GNA14: variants seen among roughly 807,000 people sequenced by gnomAD.
GNA14 encodes the protein G protein subunit alpha 14.
GNA14 carries 50 observed loss-of-function variants against 42.0 expected under a neutral mutation model. That is an observed-to-expected ratio of 1.19 (90% CI 0.95 to 1.51). GNA14 has a LOEUF of 1.51. Among genes scored for constraint, GNA14 ranks in the 40% most tolerant of loss-of-function variants. The pLI, the probability that GNA14 is intolerant of heterozygous loss-of-function variation, is 0.00. For missense variants in GNA14, 473 were observed against 446.2 expected, an observed-to-expected ratio of 1.06 and a Z score of -0.54; for synonymous variants, 173 against 163.1, an observed-to-expected ratio of 1.06 and a Z score of -0.46.
intron 2 of GNA14, among the ~76,000 whole-genome samples, chr9:77,481,963 T>A (rs951759361): frequency 6.6e-6 from 1 of 152,234 alleles, no homozygotes; most frequent in African/African-American, 2.4e-5. Flanking sequence ...GAGATGGGTT[T>A]CCTGAATACA....
chr9:77,529,021 G>T (rs201952918), intron 2 of GNA14, 48 bp downstream of exon 2: 2 of 1,483,658 alleles, frequency 1.3e-6, no homozygotes, highest in East Asian at 2.3e-5. Flanking sequence ...AACCAGAGTG[G>T]GCAGGCATAC....
intron 1 of GNA14, among the ~76,000 whole-genome samples, chr9:77,588,401 C>CA (rs909779128): frequency 6.6e-6 from 1 of 152,260 alleles, no homozygotes; most frequent in Admixed American, 6.5e-5. Context: ...AAGTAACAAG[C>CA]AGGACTTGGT....
intron 2 of GNA14, among the ~76,000 whole-genome samples, chr9:77,455,822 A>G (rs183826186): frequency 7.7e-4 from 117 of 152,316 alleles, no homozygotes; most frequent in African/African-American, 2.7e-3. Flanking sequence ...AGAAACAAAT[A>G]TGTGGCTAAG....
chr9:77,609,971 G>A (rs1823705044), intron 1 of GNA14, among the ~76,000 whole-genome samples: 1 of 152,162 alleles, frequency 6.6e-6, no homozygotes, highest in African/African-American at 2.4e-5. Flanking sequence ...AAACAACCAG[G>A]GAAGATTAAT....
At chr9:77,643,275 TGTCACCCAGGCTGG>T (rs1824298061) in intron 1 of GNA14, among the ~76,000 whole-genome samples, 1 of 151,430 alleles carries the variant, frequency 6.6e-6, no homozygotes, top group African/African-American at 2.4e-5. Flanking sequence ...GTTTCACTCT[TGTCACCCAGGCTGG>T]AGTGCAATGG....
chr9:77,630,794 A>T (rs1209245839), intron 1 of GNA14, among the ~76,000 whole-genome samples: 2 of 152,176 alleles, frequency 1.3e-5, no homozygotes, highest in Non-Finnish European at 2.9e-5. Context: ...ACACAGAAAG[A>T]CCCTATCAAA....
At chr9:77,609,759 T>C (rs1368961941) in intron 1 of GNA14, among the ~76,000 whole-genome samples, 1 of 152,162 alleles carries the variant, frequency 6.6e-6, no homozygotes, top group East Asian at 1.9e-4. Flanking sequence ...ATCCTCAAAA[T>C]ATGGCCCTTT....
chr9:77,551,293 A>C (rs1173149465), intron 1 of GNA14, among the ~76,000 whole-genome samples: 1 of 151,954 alleles, frequency 6.6e-6, no homozygotes, highest in Non-Finnish European at 1.5e-5. Context: ...TGAATCTTCA[A>C]TTTCTACTCA....
At chr9:77,447,675 C>G (rs768223644) in intron 2 of GNA14, among the ~76,000 whole-genome samples, 1 of 152,142 alleles carries the variant, frequency 6.6e-6, no homozygotes, top group Non-Finnish European at 1.5e-5. Context: ...CAGGCTCACT[C>G]CAGCAAGTGA....
intron 1 of GNA14, among the ~76,000 whole-genome samples, chr9:77,599,635 G>A (rs1287903535): frequency 6.6e-6 from 1 of 152,208 alleles, no homozygotes; most frequent in Non-Finnish European, 1.5e-5. Flanking sequence ...GCATATGCCA[G>A]CCCCGGGGAG....
intron 5 of GNA14, among the ~76,000 whole-genome samples, chr9:77,428,139 T>C (rs2377907): frequency 0.39 from 57,366 of 146,172 alleles, 11,792 homozygotes; most frequent in Middle Eastern, 0.5. Context: ...AGTGCAGTGG[T>C]GCGATCTCGG....
At chr9:77,545,951 A>C (rs1485081832) in intron 1 of GNA14, among the ~76,000 whole-genome samples, 1 of 152,178 alleles carries the variant, frequency 6.6e-6, no homozygotes, top group Non-Finnish European at 1.5e-5. Context: ...TGAATAATTT[A>C]AGAATTATCT....
chr9:77,575,591 A>C (rs1564057387), intron 1 of GNA14, among the ~76,000 whole-genome samples: 3 of 152,198 alleles, frequency 2.0e-5, no homozygotes, highest in African/African-American at 7.2e-5. Flanking sequence ...ATTTCAGGCC[A>C]ATTGAGTTAT....
chr9:77,544,084 T>C (rs1258292469), intron 1 of GNA14, among the ~76,000 whole-genome samples: 3 of 152,214 alleles, frequency 2.0e-5, no homozygotes, highest in Non-Finnish European at 4.4e-5. Context: ...CTTCTGTATG[T>C]AGTCACATAA....
chr9:77,469,385 A>G (rs1021361494), intron 2 of GNA14, among the ~76,000 whole-genome samples: 4 of 151,406 alleles, frequency 2.6e-5, no homozygotes, highest in Admixed American at 6.6e-5. Context: ...AAAAAAAAAA[A>G]AAAGAACTTT....
intron 2 of GNA14, among the ~76,000 whole-genome samples, chr9:77,435,688 C>T (rs1388532184): frequency 6.6e-6 from 1 of 152,198 alleles, no homozygotes; most frequent in Non-Finnish European, 1.5e-5. Flanking sequence ...AAGGCCTCTA[C>T]ATACATTATC....
intron 1 of GNA14, among the ~76,000 whole-genome samples, chr9:77,608,260 T>C (rs1823670131): frequency 6.6e-6 from 1 of 152,258 alleles, no homozygotes. Context: ...AATGAGAATA[T>C]CTATATAACC....
intron 2 of GNA14, 66 bp downstream of exon 2, chr9:77,529,003 T>A: frequency 7.3e-7 from 1 of 1,364,400 alleles, no homozygotes; most frequent in East Asian, 2.3e-5. Flanking sequence ...TGAGGGAATC[T>A]TTGTGCTAAC....
intron 1 of GNA14, among the ~76,000 whole-genome samples, chr9:77,599,724 T>A (rs1408720766): frequency 2.0e-5 from 3 of 152,200 alleles, no homozygotes; most frequent in African/African-American, 7.2e-5. Flanking sequence ...CGCGCTGACA[T>A]GCCGTCGGGC....
Sources: gnomAD v4.1 joint callset for allele counts (sites outside exome capture counted in the v4.1 genomes callset) on GRCh38, gnomAD v4.1.1 for gene constraint, MANE v1.5 for transcripts, NCBI Gene and HGNC (gene_info 2026-07-23, HGNC 2026-07-21) for gene names.